The following TESMIN variants were observed in gnomAD, a reference collection of about 807,000 sequenced individuals.
TESMIN encodes testis expressed metallothionein like protein, also known as CXC domain containing 2.
TESMIN carries 34 observed loss-of-function variants against 47.4 expected under a neutral mutation model. The observed-to-expected ratio is 0.72, with a 90% CI of 0.55 to 0.96. The LOEUF (loss-of-function observed/expected upper bound fraction) is 0.96. Among genes scored for constraint, TESMIN ranks in the 40% least tolerant of loss-of-function variants. TESMIN has a pLI of 0.00. For missense variants in TESMIN, 610 were observed against 637.2 expected (o/e 0.96, Z 0.46); for synonymous variants, 278 against 258.9 (o/e 1.07, Z -0.71).
chr11:68,751,175 TCAGGTGAGGGGCGCC>T (rs1946602445), intron 1 of TESMIN, among the ~76,000 whole-genome samples: 1 of 42,050 alleles, frequency 2.4e-5, no homozygotes, highest in African/African-American at 9.7e-5. Context: ...GGGGTGGGGG[TCAGGTGAGGGGCGCC>T]CAGGGGAGGG....
chr11:68,708,595 ATT>A, intron 9 of TESMIN, 95 bp from the exon 10 acceptor site: 4 of 1,141,750 alleles, frequency 3.5e-6, no homozygotes, highest in Middle Eastern at 3.0e-4. Context: ...TGTCCATGCT[ATT>A]TTAAAGAACA....
chr11:68,709,006 C>T (rs1320365758), intron 9 of TESMIN, among the ~76,000 whole-genome samples: 2 of 151,396 alleles, frequency 1.3e-5, no homozygotes, highest in Non-Finnish European at 2.9e-5. Flanking sequence ...CCTCCTCGGC[C>T]TCTCAAAGTG....
intron 3 of TESMIN, among the ~76,000 whole-genome samples, chr11:68,745,569 C>T (rs1355480620): frequency 2.6e-5 from 4 of 152,240 alleles, no homozygotes; most frequent in African/African-American, 9.6e-5. Flanking sequence ...CCTGGGCACG[C>T]ACTTAAAATC....
chr11:68,717,139 A>T (rs1946149364), intron 6 of TESMIN, among the ~76,000 whole-genome samples: 1 of 152,258 alleles, frequency 6.6e-6, no homozygotes, highest in Non-Finnish European at 1.5e-5. Context: ...AGAATTCCCA[A>T]ACACAATTCT....
chr11:68,715,322 G>T (rs1161167792), intron 7 of TESMIN, among the ~76,000 whole-genome samples: 1 of 152,142 alleles, frequency 6.6e-6, no homozygotes, highest in Non-Finnish European at 1.5e-5. Context: ...GGCCATCGGG[G>T]GCATCAAAGT....
chr11:68,738,954 C>T (rs1026071593), intron 5 of TESMIN, among the ~76,000 whole-genome samples, 166 bp from the exon 6 acceptor site: 1 of 138,242 alleles, frequency 7.2e-6, no homozygotes, highest in Non-Finnish European at 1.5e-5. Flanking sequence ...CACTGACATT[C>T]GGAAGGTCTA....
At chr11:68,737,121 T>C in intron 6 of TESMIN, 1 of 985,450 alleles carries the variant, frequency 1.0e-6, no homozygotes, top group Non-Finnish European at 1.2e-6. Context: ...CTGTGTAATG[T>C]ATCAGCAGAA....
At chr11:68,710,797 G>A in intron 9 of TESMIN, 77 bp downstream of exon 9, 2 of 1,368,974 alleles carry the variant, frequency 1.5e-6, no homozygotes, top group East Asian at 4.7e-5. Context: ...TCTTTCCAGT[G>A]TATAAATTGT....
At chr11:68,735,778 T>C (rs1946380493) in intron 6 of TESMIN, among the ~76,000 whole-genome samples, 1 of 152,202 alleles carries the variant, frequency 6.6e-6, no homozygotes, top group Admixed American at 6.5e-5. Context: ...TCGGCACAGA[T>C]GGAAGAAGTG....
chr11:68,730,158 G>C (rs1222504237), intron 6 of TESMIN, among the ~76,000 whole-genome samples: 1 of 152,168 alleles, frequency 6.6e-6, no homozygotes, highest in Non-Finnish European at 1.5e-5. Flanking sequence ...TAGATAGAAT[G>C]CTATTGCACA....
intron 6 of TESMIN, among the ~76,000 whole-genome samples, chr11:68,726,112 G>C (rs868571453): frequency 2.0e-5 from 3 of 152,084 alleles, no homozygotes; most frequent in Non-Finnish European, 4.4e-5. Flanking sequence ...GGTGCTTTAC[G>C]TATATTAACC....
chr11:68,727,948 T>C (rs1946284489), intron 6 of TESMIN, among the ~76,000 whole-genome samples: 1 of 152,214 alleles, frequency 6.6e-6, no homozygotes, highest in African/African-American at 2.4e-5. Context: ...GCCATGTCCA[T>C]GTAAGAACAT....
rs556621775 is a variant in TESMIN, at chr11:68,736,282, T to C, written c.917+2418A>G. 1.1e-5 allele frequency: 11 copies of C among 985,434 alleles called. No homozygotes were observed. In the African/African-American group the frequency reaches 1.9e-4, roughly 17 times the overall value. The allele number at this position is 985,434 out of a possible 1,614,324, so 61.0% of individuals were successfully genotyped here. ...ACAAGGATTTGTATTAAAGAGTTTT[T>C]ATTAATATGATAAGCTAGTTAATAA... On this transcript the variant is annotated intron_variant, in intron 6 of 9. Transcript: ENST00000255087.
At chr11:68,708,756 C>CG (rs1309930893) in intron 9 of TESMIN, among the ~76,000 whole-genome samples, 1 of 101,734 alleles carries the variant, frequency 9.8e-6, no homozygotes, top group African/African-American at 2.9e-5. Context: ...CAAAGTGAGA[C>CG]CCTTTTTTTT....
intron 6 of TESMIN, among the ~76,000 whole-genome samples, chr11:68,722,363 A>G (rs1218948708): frequency 3.3e-5 from 5 of 152,236 alleles, no homozygotes; most frequent in Non-Finnish European, 7.3e-5. Flanking sequence ...AACACTGTGA[A>G]TATATTTCAT....
intron 3 of TESMIN, among the ~76,000 whole-genome samples, chr11:68,745,428 C>T (rs1946508279): frequency 6.6e-6 from 1 of 152,134 alleles, no homozygotes; most frequent in South Asian, 2.1e-4. Flanking sequence ...ATCAGGTAGC[C>T]ATGCCCCAGA....
chr11:68,745,135 G>A, intron 3 of TESMIN, 24 bp from the exon 4 acceptor site: 1 of 1,567,322 alleles, frequency 6.4e-7, no homozygotes, highest in Non-Finnish European at 8.6e-7. Flanking sequence ...GAACAATCAG[G>A]TTTCATTTTT....
At chr11:68,706,666 A>G (rs565746725), downstream of TESMIN, among the ~76,000 whole-genome samples, 2 of 152,254 alleles carry the variant, frequency 1.3e-5, no homozygotes, top group Non-Finnish European at 2.9e-5. Flanking sequence ...TATTGGGTAC[A>G]CATAAAGGAA....
chr11:68,720,552 A>G (rs1437293104), intron 6 of TESMIN, among the ~76,000 whole-genome samples: 1 of 152,198 alleles, frequency 6.6e-6, no homozygotes, highest in East Asian at 1.9e-4. Context: ...GCTTCCAGTC[A>G]GAAATCTCTA....
Sources: allele counts gnomAD v4.1 joint callset (sites outside exome capture counted in the v4.1 genomes callset), GRCh38; gene constraint gnomAD v4.1.1; transcripts MANE v1.5; gene names NCBI Gene and HGNC (gene_info 2026-07-23, HGNC 2026-07-21).